EXOC4: variants seen among roughly 807,000 people sequenced by gnomAD.
EXOC4 encodes SEC8-like 1.
In EXOC4, 71 loss-of-function variants were observed where a neutral mutation model predicts 107.2. The ratio of observed to expected loss-of-function variants is 0.66; its 90% CI spans 0.55 to 0.81. The LOEUF is 0.81. EXOC4 is among the 30% of genes least tolerant of loss of function. The probability of loss-of-function intolerance (pLI) is 0.00; values close to 1 mark genes in which losing one functional copy is unlikely to be tolerated. For synonymous variants in EXOC4, 456 were observed against 441.2 expected, an observed-to-expected ratio of 1.03 and a Z score of -0.42; for missense variants, 1,108 against 1,189.6, an observed-to-expected ratio of 0.93 and a Z score of 1.01.
At chr7:133,581,601 A>G (rs1293679842) in intron 9 of EXOC4, among the ~76,000 whole-genome samples, 1 of 151,524 alleles carries the variant, frequency 6.6e-6, no homozygotes, top group African/African-American at 2.4e-5. Flanking sequence ...TACTAAAAAT[A>G]CAAAAAATTA....
intron 9 of EXOC4, among the ~76,000 whole-genome samples, chr7:133,595,690 C>T (rs1440900421): frequency 2.0e-5 from 3 of 152,178 alleles, no homozygotes; most frequent in African/African-American, 7.2e-5. Flanking sequence ...GAAATCAGTG[C>T]AAGGTCACAT....
At chr7:133,365,688 A>G (rs542558170) in intron 6 of EXOC4, among the ~76,000 whole-genome samples, 1 of 152,174 alleles carries the variant, frequency 6.6e-6, no homozygotes, top group Non-Finnish European at 1.5e-5. Context: ...GGTAAAACGT[A>G]TTTCTATCCC....
chr7:133,957,762 T>C lies in EXOC4; in HGVS notation c.2206+19693T>C, dbSNP rs867988717. Among the ~76,000 whole-genome samples, 15 of 152,364 alleles carry C rather than the reference T, an allele frequency of 9.8e-5. No individual in the cohort carries two copies. In the Middle Eastern group the frequency reaches 0.01, roughly 104 times the overall value. ...AGTTGAGAAATGCATCCCAGTAATATACTCAGAAGGCCTAGGAAACAAGAA... is the reference window on the plus strand; with the variant it reads ...AGTTGAGAAATGCATCCCAGTAATACACTCAGAAGGCCTAGGAAACAAGAA... On this transcript the variant is annotated intron_variant, in intron 14 of 17. Coordinates refer to ENST00000253861, the MANE Select transcript of EXOC4 (RefSeq NM_021807.4).
chr7:134,032,412 C>A (rs1795290678), intron 17 of EXOC4, among the ~76,000 whole-genome samples: 1 of 152,194 alleles, frequency 6.6e-6, no homozygotes, highest in Non-Finnish European at 1.5e-5. Context: ...CCCCTGCCAC[C>A]ATCTTCCTGC....
chr7:133,625,597 T>C (rs1044761727), intron 9 of EXOC4, among the ~76,000 whole-genome samples: 1 of 152,204 alleles, frequency 6.6e-6, no homozygotes, highest in Admixed American at 6.5e-5. Flanking sequence ...TAAATAAATG[T>C]GGAATCTTAT....
At chr7:134,088,213 G>A in the EXOC4 span, among the ~76,000 whole-genome samples, 3 of 152,094 alleles carry the variant, frequency 2.0e-5, no homozygotes, top group Non-Finnish European at 4.4e-5. Flanking sequence ...TTCCTTAAAG[G>A]AAAACACACC....
At chr7:133,885,893 TAAAA>T (rs113293809) in intron 11 of EXOC4, among the ~76,000 whole-genome samples, 21,241 of 151,728 alleles carry the variant, frequency 0.14, 1,669 homozygotes, top group African/African-American at 0.2. Context: ...AAAAAACTTT[TAAAA>T]AGAGAGAGAG....
At chr7:133,294,589 T>C (rs970638298) in intron 3 of EXOC4, among the ~76,000 whole-genome samples, 2 of 152,118 alleles carry the variant, frequency 1.3e-5, no homozygotes, top group African/African-American at 2.4e-5. Context: ...ATAAGGGTTA[T>C]TATGATAATT....
chr7:133,530,690 A>C (rs1800165794), intron 9 of EXOC4, among the ~76,000 whole-genome samples: 1 of 152,164 alleles, frequency 6.6e-6, no homozygotes, highest in Non-Finnish European at 1.5e-5. Flanking sequence ...TTATTAATCC[A>C]AGAAAGTTAG....
chr7:133,712,884 A>G (rs957395621), intron 10 of EXOC4, among the ~76,000 whole-genome samples: 1 of 152,232 alleles, frequency 6.6e-6, no homozygotes, highest in African/African-American at 2.4e-5. Context: ...GGTTCAATCT[A>G]TATGAATATC....
intron 9 of EXOC4, among the ~76,000 whole-genome samples, chr7:133,621,662 C>T (rs1802333309): frequency 6.6e-6 from 1 of 152,210 alleles, no homozygotes; most frequent in Non-Finnish European, 1.5e-5. Context: ...GTGAGTGACT[C>T]TAGGGAGGAC....
chr7:134,055,465 C>T (rs35977684), intron 17 of EXOC4, among the ~76,000 whole-genome samples: 26,475 of 152,230 alleles, frequency 0.17, 2,666 homozygotes, highest in African/African-American at 0.27. Context: ...CTTGGCCTCA[C>T]TGGCATCATG....
At chr7:133,352,985 T>C (rs1189454544) in intron 5 of EXOC4, among the ~76,000 whole-genome samples, 1 of 152,090 alleles carries the variant, frequency 6.6e-6, no homozygotes, top group African/African-American at 2.4e-5. Flanking sequence ...TCTTTATACA[T>C]TGTGTGCTCA....
At chr7:133,305,792 A>G (rs1345635426) in intron 3 of EXOC4, 85 bp from the exon 4 acceptor site, 2 of 1,209,748 alleles carry the variant, frequency 1.7e-6, no homozygotes, top group South Asian at 1.6e-5. Context: ...CTTTGTTAGT[A>G]TCTTTTTAAG....
At chr7:133,455,493 G>A (rs1286932995) in intron 7 of EXOC4, among the ~76,000 whole-genome samples, 4 of 152,072 alleles carry the variant, frequency 2.6e-5, no homozygotes, top group Admixed American at 1.3e-4. Context: ...GATTTTAATC[G>A]TAGATTTTCA....
downstream of EXOC4, among the ~76,000 whole-genome samples, chr7:134,066,808 C>T (rs559581473): frequency 7.9e-5 from 12 of 152,192 alleles, no homozygotes; most frequent in African/African-American, 2.6e-4. Context: ...TACACAGTTA[C>T]GTAATGTTCT....
the EXOC4 span, among the ~76,000 whole-genome samples, chr7:134,080,113 C>T: frequency 6.6e-6 from 1 of 152,226 alleles, no homozygotes; most frequent in Admixed American, 6.5e-5. Context: ...TAGCTCTTAA[C>T]TTACTGATTA....
intron 7 of EXOC4, among the ~76,000 whole-genome samples, chr7:133,450,027 T>TA (rs965242375): frequency 6.6e-5 from 10 of 151,876 alleles, no homozygotes; most frequent in African/African-American, 2.2e-4. Flanking sequence ...GTCCCCTCTT[T>TA]AAAAAAAATC....
At chr7:133,759,144 A>ATTTTTTTTTTTTTTTTTTTTTT (rs34768347) in intron 10 of EXOC4, among the ~76,000 whole-genome samples, 4 of 140,634 alleles carry the variant, frequency 2.8e-5, no homozygotes, top group Non-Finnish European at 3.1e-5. Flanking sequence ...CAACAAAAGA[A>ATTTTTTTTTTTTTTTTTTTTTT]TTTTTTTTTT....
Sources: gnomAD v4.1 joint callset for allele counts (sites outside exome capture counted in the v4.1 genomes callset) on GRCh38, gnomAD v4.1.1 for gene constraint, MANE v1.5 for transcripts, NCBI Gene and HGNC (gene_info 2026-07-23, HGNC 2026-07-21) for gene names.